MAP3K1: variants seen among roughly 807,000 people sequenced by gnomAD.
MAP3K1 encodes the protein mitogen-activated protein kinase kinase kinase 1, also known as MAP/ERK kinase kinase 1.
Under a neutral mutation model 144.2 loss-of-function variants are expected in MAP3K1, and 36 were observed. The ratio of observed to expected loss-of-function variants is 0.25; its 90% confidence interval spans 0.19 to 0.33. MAP3K1 has a LOEUF of 0.33. MAP3K1 is among the 10% of genes least tolerant of loss of function. The pLI, the probability that MAP3K1 is intolerant of heterozygous loss-of-function variation, is 1.00. For missense variants in MAP3K1, 1,650 were observed against 1,881.9 expected (o/e 0.88, Z 2.28); for synonymous variants, 718 against 688.7 (o/e 1.04, Z -0.67).
chr5:56,890,019 C>T (rs1307177149), intron 19 of MAP3K1, among the ~76,000 whole-genome samples: 1 of 152,138 alleles, frequency 6.6e-6, no homozygotes, highest in Non-Finnish European at 1.5e-5. Context: ...CCATTTTGTG[C>T]TTCTCCTGCT....
Position 56,893,747 on chromosome 5 carries a change from C to T in MAP3K1, c.*67C>T. ...CAAGAGAAAAAAAACTTGTGGGGAA[C>T]CACATTGATATTCTACTGGCCATGA... On this transcript the variant is annotated 3_prime_UTR_variant, in exon 20 of 20. Coordinates refer to ENST00000399503, the MANE Select transcript of MAP3K1 (RefSeq NM_005921.2). 6.4e-7 allele frequency: 1 copy of T among 1,553,084 alleles called. No homozygotes were observed. The highest frequency in any genetic ancestry group is 8.8e-7 in the Non-Finnish European group (1 of 1,133,184).
chr5:56,888,415 A>T, intron 19 of MAP3K1, 58 bp downstream of exon 19: 1 of 1,557,054 alleles, frequency 6.4e-7, no homozygotes, highest in Non-Finnish European at 8.8e-7. Context: ...AGAATTTGGC[A>T]GGAGGCAAAT....
intron 1 of MAP3K1, among the ~76,000 whole-genome samples, chr5:56,837,226 T>C (rs1195677741): frequency 6.6e-6 from 1 of 152,032 alleles, no homozygotes; most frequent in Non-Finnish European, 1.5e-5. Flanking sequence ...ACAAGATCTT[T>C]GAATCTCTGA....
chr5:56,815,724 G>C lies in MAP3K1; in HGVS notation c.151G>C (p.Gly51Arg). 7.5e-7 allele frequency: 1 copy of C among 1,338,310 alleles called. No individual in the cohort carries two copies. Among genetic ancestry groups the C allele is most frequent in the Non-Finnish European group, 9.6e-7 (1 of 1,043,790 alleles). 82.9% of individuals were successfully genotyped at this position (1,338,310 alleles called of 1,614,324 possible). A position where few individuals can be genotyped will look rare whatever the true frequency, so the allele number is the denominator to read the frequency against. Residue 51 changes from glycine (G) to arginine (R), a missense_variant, in exon 1 of 20, where the codon GGC (glycine) becomes CGC (arginine). Coordinates refer to ENST00000399503, the MANE Select transcript of MAP3K1 (RefSeq NM_005921.2). ...AGLLREAGSGGRERADWRRRQ... is the reference protein window; with the variant it reads ...AGLLREAGSGRRERADWRRRQ... ...ACTGCTGCGGGAGGCGGGCAGCGGGGGCCGCGAGCGGGCGGACTGGCGGCG... is the reference window on the plus strand; with the variant it reads ...ACTGCTGCGGGAGGCGGGCAGCGGGCGCCGCGAGCGGGCGGACTGGCGGCG...
intron 1 of MAP3K1, among the ~76,000 whole-genome samples, chr5:56,834,254 T>C (rs1746578385): frequency 6.6e-6 from 1 of 152,244 alleles, no homozygotes; most frequent in South Asian, 2.1e-4. Context: ...GTGTATGTAC[T>C]GTGCTAGGAA....
intron 4 of MAP3K1, 62 bp downstream of exon 4, chr5:56,864,996 T>G: frequency 2.5e-5 from 35 of 1,395,010 alleles, no homozygotes; most frequent in Non-Finnish European, 3.3e-5. Flanking sequence ...CTCAAATTTA[T>G]ATACTATAAT....
intron 15 of MAP3K1, among the ~76,000 whole-genome samples, chr5:56,884,179 A>G (rs1748308520): frequency 6.6e-6 from 1 of 152,164 alleles, no homozygotes; most frequent in Non-Finnish European, 1.5e-5. Context: ...AAGTATGATT[A>G]TTGTAAGACT....
At chr5:56,816,573 G>A (rs1745977085) in intron 1 of MAP3K1, among the ~76,000 whole-genome samples, 1 of 152,104 alleles carries the variant, frequency 6.6e-6, no homozygotes, top group Non-Finnish European at 1.5e-5. Flanking sequence ...AGGTCCCAGC[G>A]GCCGTGACAG....
At chr5:56,854,710 A>G (rs860581) in intron 1 of MAP3K1, among the ~76,000 whole-genome samples, 127,877 of 152,136 alleles carry the variant, frequency 0.84, 53,981 homozygotes, top group South Asian at 0.93. Context: ...TGTTTGACTC[A>G]GGGCCAGGAA....
At chr5:56,891,048 T>C (rs958228890) in intron 19 of MAP3K1, among the ~76,000 whole-genome samples, 1 of 151,986 alleles carries the variant, frequency 6.6e-6, no homozygotes, top group Non-Finnish European at 1.5e-5. Flanking sequence ...AGACCCTGTC[T>C]CTAAATTAAG....
intron 3 of MAP3K1, 79 bp from the exon 4 acceptor site, chr5:56,864,648 CAGGCGTG>C: frequency 2.8e-6 from 4 of 1,430,116 alleles, no homozygotes; most frequent in Non-Finnish European, 3.9e-6. Flanking sequence ...GCTGGGATTA[CAGGCGTG>C]AGCCACCATG....
chr5:56,854,483 C>T (rs1747276517), intron 1 of MAP3K1, among the ~76,000 whole-genome samples: 1 of 150,380 alleles, frequency 6.6e-6, no homozygotes, highest in South Asian at 2.1e-4. Flanking sequence ...TCTCATAGTC[C>T]TTAAACATAA....
At chr5:56,868,485 T>C (rs977912456) in intron 6 of MAP3K1, among the ~76,000 whole-genome samples, 1 of 151,996 alleles carries the variant, frequency 6.6e-6, no homozygotes, top group African/African-American at 2.4e-5. Context: ...CCCGGGTTCA[T>C]GCCATTCTCC....
At chr5:56,883,130 A>G (rs1037335741) in intron 14 of MAP3K1, among the ~76,000 whole-genome samples, 6 of 152,194 alleles carry the variant, frequency 3.9e-5, no homozygotes, top group African/African-American at 1.2e-4. Context: ...GTTTGAGGCT[A>G]CAGTGAGCTG....
intron 14 of MAP3K1, 97 bp downstream of exon 14, chr5:56,882,963 A>AGC: frequency 2.1e-6 from 2 of 968,012 alleles, no homozygotes; most frequent in Non-Finnish European, 3.2e-6. Context: ...CTGAGGCCGA[A>AGC]GGATTGCTTG....
chr5:56,849,224 C>T (rs1172335116), intron 1 of MAP3K1, among the ~76,000 whole-genome samples: 1 of 152,014 alleles, frequency 6.6e-6, no homozygotes, highest in African/African-American at 2.4e-5. Context: ...GTGGCTTGTG[C>T]CTGTGGTCCC....
intron 1 of MAP3K1, among the ~76,000 whole-genome samples, chr5:56,832,874 T>G (rs981705699): frequency 6.6e-6 from 1 of 152,232 alleles, no homozygotes; most frequent in African/African-American, 2.4e-5. Context: ...GTTTTTGTTT[T>G]GTTTTGTTTT....
intron 9 of MAP3K1, 82 bp downstream of exon 9, chr5:56,873,087 A>G (rs1368250988): frequency 7.4e-7 from 1 of 1,353,680 alleles, no homozygotes; most frequent in East Asian, 2.5e-5. Context: ...TCAGTTGTTC[A>G]TAATTTAAAA....
chr5:56,831,697 C>G (rs1289331167), intron 1 of MAP3K1, among the ~76,000 whole-genome samples: 1 of 152,136 alleles, frequency 6.6e-6, no homozygotes, highest in Non-Finnish European at 1.5e-5. Flanking sequence ...AGGACTAATG[C>G]AAAAATTAAA....
Sources: gnomAD v4.1 joint callset for allele counts (sites outside exome capture counted in the v4.1 genomes callset) on GRCh38, gnomAD v4.1.1 for gene constraint, MANE v1.5 for transcripts, NCBI Gene and HGNC (gene_info 2026-07-23, HGNC 2026-07-21) for gene names.